The following SMCO2 variants were observed in gnomAD, a reference collection of about 807,000 sequenced individuals.
SMCO2 encodes the protein single-pass membrane protein with coiled-coil domains 2.
In SMCO2, 25 loss-of-function variants were observed where a neutral mutation model predicts 29.5. The observed-to-expected ratio is 0.85, with a 90% CI of 0.62 to 1.18. The LOEUF (loss-of-function observed/expected upper bound fraction) is 1.18. SMCO2 is among the 50% of genes most tolerant of loss of function. The pLI, the probability that SMCO2 is intolerant of heterozygous loss-of-function variation, is 0.00. For synonymous variants in SMCO2, 117 were observed against 123.3 expected, an observed-to-expected ratio of 0.95 and a Z score of 0.34; for missense variants, 348 against 344.5, an observed-to-expected ratio of 1.01 and a Z score of -0.08.
chr12:27,473,461 T>C (rs947051360), intron 3 of SMCO2, among the ~76,000 whole-genome samples: 1 of 152,208 alleles, frequency 6.6e-6, no homozygotes, highest in African/African-American at 2.4e-5. Context: ...TCTGAGACGA[T>C]CTTATATCAA....
intron 6 of SMCO2, among the ~76,000 whole-genome samples, chr12:27,495,300 T>C (rs1942985310): frequency 6.6e-6 from 1 of 151,026 alleles, no homozygotes; most frequent in Admixed American, 6.6e-5. Context: ...TGTAATAGAT[T>C]GTATTCTTTG....
rs137899500 is a variant in SMCO2 at position 27,473,956 on chromosome 12, G to T, written c.235-830G>T. 3.1e-3 allele frequency among the ~76,000 whole-genome samples: 477 copies of T among 152,284 alleles called. 6 individuals are homozygous for T. Among genetic ancestry groups the T allele is most frequent in the African/African-American group, 0.011 (456 of 41,564 alleles). ...GGATGCTTTTCTAGAACATGGCAAA[G>T]AATACAGAAACAAAAAAGTAAATTG... On this transcript the variant is annotated intron_variant, in intron 3 of 7. Transcript: ENST00000298876.
chr12:27,434,311 C>T, the SMCO2 span, among the ~76,000 whole-genome samples: 31 of 152,258 alleles, frequency 2.0e-4, no homozygotes, highest in African/African-American at 5.3e-4. Context: ...AGGCCCTCTA[C>T]GTGATTCCGA....
At chr12:27,494,383 CAA>C (rs1463747047) in intron 6 of SMCO2, 27 bp downstream of exon 7, 16 of 1,480,644 alleles carry the variant, frequency 1.1e-5, no homozygotes, top group South Asian at 2.6e-5. Flanking sequence ...ACAATTCAAA[CAA>C]TGATAAAATC....
chr12:27,432,574 C>A, the SMCO2 span, among the ~76,000 whole-genome samples: 1 of 152,234 alleles, frequency 6.6e-6, no homozygotes, highest in Non-Finnish European at 1.5e-5. Context: ...AGAGGGATAG[C>A]ATTTGTACCA....
intron 2 of SMCO2, 80 bp downstream of exon 2, chr12:27,470,845 T>G: frequency 1.4e-6 from 2 of 1,460,058 alleles, no homozygotes; most frequent in African/African-American, 2.8e-5. Context: ...ATGCAAACGA[T>G]GAGATTTCCA....
intron 4 of SMCO2, among the ~76,000 whole-genome samples, chr12:27,484,716 G>A (rs1274735879): frequency 6.6e-6 from 1 of 151,562 alleles, no homozygotes; most frequent in African/African-American, 2.4e-5. Flanking sequence ...AGCTGGGTGT[G>A]GTAGCATGTG....
chr12:27,492,515 T>C (rs1186016056), intron 5 of SMCO2, among the ~76,000 whole-genome samples: 1 of 152,120 alleles, frequency 6.6e-6, no homozygotes, highest in African/African-American at 2.4e-5. Flanking sequence ...CTGGGCAACA[T>C]GGTGAAACCC....
the SMCO2 span, among the ~76,000 whole-genome samples, chr12:27,445,448 G>T: frequency 6.6e-6 from 1 of 152,004 alleles, no homozygotes; most frequent in African/African-American, 2.4e-5. Context: ...ATTTAACTGG[G>T]TGTTCTATAT....
At chr12:27,458,925 C>T in the SMCO2 span, among the ~76,000 whole-genome samples, 4 of 148,532 alleles carry the variant, frequency 2.7e-5, no homozygotes, top group Non-Finnish European at 4.4e-5. Flanking sequence ...CGGTGGCTCA[C>T]GCCTGTAATC....
At chr12:27,472,985 T>G in intron 3 of SMCO2, 110 bp downstream of exon 3, 1 of 800,580 alleles carries the variant, frequency 1.2e-6, no homozygotes, top group Non-Finnish European at 2.0e-6. Flanking sequence ...GAGGGTTTTC[T>G]TCTAATTGGT....
chr12:27,443,386 A>G, the SMCO2 span, among the ~76,000 whole-genome samples: 21 of 152,354 alleles, frequency 1.4e-4, no homozygotes, highest in African/African-American at 4.6e-4. Context: ...AAGCCCATCT[A>G]TGACAAACCC....
At chr12:27,434,409 C>T in the SMCO2 span, among the ~76,000 whole-genome samples, 1 of 152,116 alleles carries the variant, frequency 6.6e-6, no homozygotes, top group Admixed American at 6.5e-5. Context: ...GCTTCTTATT[C>T]TTTGTGATCT....
At chr12:27,477,430 A>G (rs561501049) in intron 4 of SMCO2, among the ~76,000 whole-genome samples, 1 of 151,640 alleles carries the variant, frequency 6.6e-6, no homozygotes, top group African/African-American at 2.4e-5. Flanking sequence ...CTTTTTTGAT[A>G]CAAATCTATT....
chr12:27,461,937 G>C (rs184154370), upstream of SMCO2, among the ~76,000 whole-genome samples: 2 of 152,186 alleles, frequency 1.3e-5, no homozygotes, highest in Non-Finnish European at 2.9e-5. Flanking sequence ...CTACAATCCT[G>C]TAGCACTTAC....
the SMCO2 span, chr12:27,425,369 C>T: frequency 5.9e-5 from 9 of 151,976 alleles, no homozygotes; most frequent in African/African-American, 2.2e-4. Flanking sequence ...CAGAGGGGTA[C>T]ATTGAACTCT....
At chr12:27,459,288 C>A in the SMCO2 span, among the ~76,000 whole-genome samples, 1 of 151,466 alleles carries the variant, frequency 6.6e-6, no homozygotes, top group Admixed American at 6.6e-5. Flanking sequence ...TAACAAAGAA[C>A]GAGATCATTC....
chr12:27,479,143 G>C (rs1445078041), intron 4 of SMCO2, among the ~76,000 whole-genome samples: 3 of 151,956 alleles, frequency 2.0e-5, no homozygotes, highest in Non-Finnish European at 2.9e-5. Context: ...TAGAATACCA[G>C]CAGTGGTGCT....
chr12:27,473,008 A>G, intron 3 of SMCO2, 133 bp downstream of exon 3: 1 of 677,068 alleles, frequency 1.5e-6, no homozygotes, highest in South Asian at 2.0e-5. Flanking sequence ...AGAACTTCAA[A>G]GCTTGAAATC....
Sources: allele counts gnomAD v4.1 joint callset (sites outside exome capture counted in the v4.1 genomes callset), GRCh38; gene constraint gnomAD v4.1.1; transcripts MANE v1.5; gene names NCBI Gene and HGNC (gene_info 2026-07-23, HGNC 2026-07-21).